The following RSRC1 variants were observed in gnomAD, a reference collection of about 807,000 sequenced individuals.
The protein encoded by RSRC1 is serine/Arginine-related protein 53.
In RSRC1, 39 loss-of-function variants were observed where a neutral mutation model predicts 49.1. That is an observed-to-expected ratio of 0.79 (90% CI 0.61 to 1.04). RSRC1 has a LOEUF of 1.04. RSRC1 is among the 50% of genes least tolerant of loss of function. RSRC1 has a pLI of 0.00. For synonymous variants in RSRC1, 143 were observed against 130.8 expected, an observed-to-expected ratio of 1.09 and a Z score of -0.63; for missense variants, 388 against 402.4, an observed-to-expected ratio of 0.96 and a Z score of 0.31.
chr3:158,368,440 A>G (rs971862573), intron 6 of RSRC1, among the ~76,000 whole-genome samples: 20 of 152,200 alleles, frequency 1.3e-4, no homozygotes, highest in Admixed American at 9.8e-4. Flanking sequence ...GAATACGTTT[A>G]TGGGTCACTT....
chr3:158,534,450 G>A (rs1245830679), intron 7 of RSRC1, among the ~76,000 whole-genome samples: 2 of 151,542 alleles, frequency 1.3e-5, no homozygotes, highest in African/African-American at 4.8e-5. Flanking sequence ...TATTATCCAT[G>A]AACCCTAAAT....
Position 158,485,619 on chromosome 3 carries a change from T to C in RSRC1, c.652+24616T>C, listed in dbSNP as rs1738785842. Among the ~76,000 whole-genome samples the C allele has an allele frequency of 2.6e-5, 4 of 152,254 alleles. No individual in the cohort carries two copies. The South Asian group carries it at 8.3e-4, about 32-fold the overall frequency. On this transcript the variant is annotated intron_variant, in intron 7 of 9. Coordinates refer to ENST00000611884, the MANE Select transcript of RSRC1 (RefSeq NM_001271838.2). ...TTTGAGCTCGAAGTTTTGTGGTTTTTATTTTTTCCTACATATGACACTGAC... is the reference window on the plus strand; with the variant it reads ...TTTGAGCTCGAAGTTTTGTGGTTTTCATTTTTTCCTACATATGACACTGAC...
intron 3 of RSRC1, among the ~76,000 whole-genome samples, chr3:158,174,523 A>T (rs1341228522): frequency 6.6e-6 from 1 of 151,922 alleles, no homozygotes; most frequent in African/African-American, 2.4e-5. Context: ...CCTCACAATC[A>T]TTATTATTTC....
At chr3:158,369,477 A>G (rs1257631193) in intron 6 of RSRC1, among the ~76,000 whole-genome samples, 6 of 152,104 alleles carry the variant, frequency 3.9e-5, no homozygotes, top group Non-Finnish European at 7.4e-5. Context: ...TGAAAAGACC[A>G]CATACGTAGA....
At chr3:158,497,396 C>T (rs961844115) in intron 7 of RSRC1, among the ~76,000 whole-genome samples, 4 of 142,062 alleles carry the variant, frequency 2.8e-5, no homozygotes, top group Middle Eastern at 7.1e-3. Flanking sequence ...CTATCCCTTG[C>T]CCCCCTCCCA....
chr3:158,527,567 A>G (rs1030146628), intron 7 of RSRC1, among the ~76,000 whole-genome samples: 3 of 152,116 alleles, frequency 2.0e-5, no homozygotes, highest in Non-Finnish European at 2.9e-5. Context: ...TTTGTAAAAT[A>G]TAAGACTCTG....
At chr3:158,222,407 T>C (rs1722272767) in intron 4 of RSRC1, among the ~76,000 whole-genome samples, 1 of 151,522 alleles carries the variant, frequency 6.6e-6, no homozygotes, top group Admixed American at 6.6e-5. Context: ...ATATTAGGTG[T>C]TTTTACCACA....
At chr3:158,486,072 ACTCTACCACATC>A (rs1738809287) in intron 7 of RSRC1, among the ~76,000 whole-genome samples, 1 of 152,106 alleles carries the variant, frequency 6.6e-6, no homozygotes, top group Non-Finnish European at 1.5e-5. Context: ...ATTTAGCAAT[ACTCTACCACATC>A]CTCATCCCTT....
Position 158,124,967 on chromosome 3 carries a change from C to T in RSRC1, c.320+976C>T, listed in dbSNP as rs1009816525. Among the ~76,000 whole-genome samples, 6 of 151,832 alleles carry T rather than the reference C, an allele frequency of 4.0e-5. No individual in the cohort carries two copies. The East Asian group carries it at 1.2e-3, about 29-fold the overall frequency. The stretch of plus-strand genomic sequence containing the variant: ...AGTGGCTAGAAATACAAGCATACAC[C>T]ACCAGGCCTGGCTGACTTTTTAAAA... On this transcript the variant is annotated intron_variant, in intron 3 of 9. Transcript: ENST00000611884.
intron 6 of RSRC1, among the ~76,000 whole-genome samples, chr3:158,455,953 C>G (rs1737285353): frequency 1.7e-5 from 2 of 120,396 alleles, no homozygotes; most frequent in South Asian, 5.3e-4. Context: ...GCACTCCAGC[C>G]TGGGGGACAG....
At position 158,334,445 on chromosome 3, in the gene RSRC1, G is replaced by C. The variant is rs544550260; in HGVS notation, c.532-20412G>C. On this transcript the variant is annotated intron_variant, in intron 5 of 9. Coordinates refer to ENST00000611884, the MANE Select transcript of RSRC1 (RefSeq NM_001271838.2). ...CTTGCTTTTATGGGAGAATCTCTTG[G>C]TTTAGCTATTTTAAAAAGGTCTCAA... is the stretch of plus-strand genomic sequence containing the variant. 5.3e-5 allele frequency among the ~76,000 whole-genome samples: 8 copies of C among 151,436 alleles called. No individual in the cohort carries two copies. The East Asian group carries it at 1.6e-3, about 29-fold the overall frequency.
chr3:158,177,191 G>A (rs182919889), intron 3 of RSRC1, among the ~76,000 whole-genome samples: 151 of 152,338 alleles, frequency 9.9e-4, no homozygotes, highest in African/African-American at 3.4e-3. Flanking sequence ...TACATTGTTG[G>A]TGGGAGTGCA....
At chr3:158,435,479 G>A (rs1330966492) in intron 6 of RSRC1, among the ~76,000 whole-genome samples, 2 of 151,438 alleles carry the variant, frequency 1.3e-5, no homozygotes, top group Non-Finnish European at 1.5e-5. Flanking sequence ...GACTTGTGGT[G>A]GCTGTAACTA....
chr3:158,358,158 A>T (rs1299010470), intron 6 of RSRC1, among the ~76,000 whole-genome samples: 1 of 152,236 alleles, frequency 6.6e-6, no homozygotes, highest in Non-Finnish European at 1.5e-5. Flanking sequence ...TATATCAAAC[A>T]TAAATTTGAG....
intron 4 of RSRC1, among the ~76,000 whole-genome samples, chr3:158,287,284 A>C (rs906876453): frequency 6.6e-6 from 1 of 152,210 alleles, no homozygotes; most frequent in African/African-American, 2.4e-5. Context: ...TTGTATTTTA[A>C]AATTACATTT....
intron 4 of RSRC1, among the ~76,000 whole-genome samples, chr3:158,208,675 A>T (rs1721488236): frequency 6.6e-6 from 1 of 152,160 alleles, no homozygotes; most frequent in Admixed American, 6.6e-5. Context: ...CAGGCCCTAG[A>T]TCATTACAAT....
intron 3 of RSRC1, among the ~76,000 whole-genome samples, chr3:158,175,738 G>T (rs2108244210): frequency 6.6e-6 from 1 of 151,658 alleles, no homozygotes; most frequent in Middle Eastern, 3.4e-3. Flanking sequence ...GTAAGAATAT[G>T]TTGGCAAACC....
At chr3:158,171,392 A>G (rs901966229) in intron 3 of RSRC1, among the ~76,000 whole-genome samples, 1 of 152,224 alleles carries the variant, frequency 6.6e-6, no homozygotes, top group African/African-American at 2.4e-5. Context: ...GGAAAAGACA[A>G]TCAACAGATG....
At chr3:158,301,604 G>T (rs962445820) in intron 5 of RSRC1, among the ~76,000 whole-genome samples, 1 of 152,136 alleles carries the variant, frequency 6.6e-6, no homozygotes. Flanking sequence ...GTTCAGTCAT[G>T]TAATACACAT....
Sources: allele counts gnomAD v4.1 joint callset (sites outside exome capture counted in the v4.1 genomes callset), GRCh38; gene constraint gnomAD v4.1.1; transcripts MANE v1.5; gene names NCBI Gene and HGNC (gene_info 2026-07-23, HGNC 2026-07-21).